TMEM244: variants seen among roughly 807,000 people sequenced by gnomAD.
TMEM244 encodes transmembrane protein 244, also known as putative transmembrane protein 244.
In TMEM244, 13 loss-of-function variants were observed where a neutral mutation model predicts 15.8. That is an observed-to-expected ratio of 0.82 (90% CI 0.53 to 1.30). The LOEUF is 1.30. Among genes scored for constraint, TMEM244 ranks in the 50% most tolerant of loss-of-function variants. The pLI is 0.00. For synonymous variants in TMEM244, 45 were observed against 48.7 expected, an observed-to-expected ratio of 0.92 and a Z score of 0.32; for missense variants, 161 against 144.9, an observed-to-expected ratio of 1.11 and a Z score of -0.57.
chr6:129,849,489 T>C (rs1474717203), intron 1 of TMEM244, among the ~76,000 whole-genome samples: 1 of 152,092 alleles, frequency 6.6e-6, no homozygotes, highest in Non-Finnish European at 1.5e-5. Context: ...TTTTTTTCAT[T>C]TGACAGATAG....
At chr6:129,835,694 C>T (rs897422053) in intron 3 of TMEM244, among the ~76,000 whole-genome samples, 3 of 152,160 alleles carry the variant, frequency 2.0e-5, no homozygotes. Context: ...ACAGTGCACT[C>T]CTGACAAAAT....
chr6:129,851,168 G>A (rs1021385063), intron 1 of TMEM244, among the ~76,000 whole-genome samples: 1 of 152,190 alleles, frequency 6.6e-6, no homozygotes, highest in South Asian at 2.1e-4. Context: ...GCCTATATGT[G>A]GCAGGGCTCC....
In TMEM244 at chr6:129,861,306, A is replaced by G; in HGVS notation, c.-118T>C. ...ATTACTCCTGGAGACTAAGTGTGAG[A>G]CGCAGTAGTGCAGGATGATTGGATT... is the stretch of plus-strand genomic sequence containing the variant. On this transcript the variant is annotated 5_prime_UTR_variant, in exon 1 of 5. Coordinates refer to ENST00000368143, the MANE Select transcript of TMEM244 (RefSeq NM_001010876.2). 8.4e-7 allele frequency: 1 copy of G among 1,187,642 alleles called. No homozygotes were observed. The highest frequency in any genetic ancestry group is 1.2e-6 in the Non-Finnish European group (1 of 810,502). 73.6% of individuals were successfully genotyped at this position (1,187,642 alleles called of 1,614,324 possible).
intron 3 of TMEM244, 58 bp from the exon 4 acceptor site, chr6:129,833,643 T>G: frequency 6.6e-7 from 1 of 1,522,728 alleles, no homozygotes; most frequent in Non-Finnish European, 8.9e-7. Context: ...CATTCTGAAA[T>G]ACAACTAGTA....
At chr6:129,843,658 C>T in intron 2 of TMEM244, 55 bp from the exon 3 acceptor site, 2 of 1,257,120 alleles carry the variant, frequency 1.6e-6, no homozygotes, top group African/African-American at 1.5e-5. Flanking sequence ...TTCATAACAG[C>T]ACATCAAAGT....
intron 1 of TMEM244, among the ~76,000 whole-genome samples, chr6:129,846,297 T>G (rs2114640537): frequency 6.6e-6 from 1 of 152,322 alleles, no homozygotes; most frequent in African/African-American, 2.4e-5. Context: ...CTATAAAATT[T>G]TCCTTGTATA....
At chr6:129,834,840 C>G (rs1365925966) in intron 3 of TMEM244, among the ~76,000 whole-genome samples, 1 of 152,168 alleles carries the variant, frequency 6.6e-6, no homozygotes, top group Non-Finnish European at 1.5e-5. Context: ...CTCATTCCTC[C>G]CTCCCCTACT....
chr6:129,833,143 G>T (rs1371078674), intron 4 of TMEM244, among the ~76,000 whole-genome samples: 1 of 152,090 alleles, frequency 6.6e-6, no homozygotes, highest in Non-Finnish European at 1.5e-5. Context: ...TTGTGCTATG[G>T]TTATATGAAA....
Position 129,833,492 on chromosome 6 carries a change from A to T in TMEM244, c.287T>A (p.Val96Asp). Residue 96 changes from valine to aspartate, a missense_variant, in exon 4 of 5, where the codon GTC (valine) becomes GAC (aspartate). Val to Asp is a radical substitution (Grantham distance 152). Transcript: ENST00000368143. ...AGTGATGGCAACATGAAGAATAGTG[A>T]CTGAAATAGCATAATCCCAAACCCA... ...EEWVWDYAIS[V>D]TILHVAITST... 6.2e-7 allele frequency: 1 copy of T among 1,613,124 alleles called. No homozygotes were observed. The highest frequency in any genetic ancestry group is 8.5e-7 in the Non-Finnish European group (1 of 1,179,600).
intron 1 of TMEM244, among the ~76,000 whole-genome samples, chr6:129,860,132 TG>T (rs1285487861): frequency 3.4e-5 from 5 of 146,618 alleles, no homozygotes; most frequent in Non-Finnish European, 7.5e-5. Context: ...TGTGTGTGTG[TG>T]TGTGTGTGTG....
At chr6:129,833,818 CTTT>C (rs66939937) in intron 3 of TMEM244, among the ~76,000 whole-genome samples, 55,831 of 151,702 alleles carry the variant, frequency 0.37, 10,656 homozygotes, top group South Asian at 0.5. Flanking sequence ...GTTTCACATT[CTTT>C]GTGTTTAACA....
intron 3 of TMEM244, among the ~76,000 whole-genome samples, chr6:129,835,162 G>A (rs116621390): frequency 0.01 from 1,583 of 152,204 alleles, 30 homozygotes; most frequent in African/African-American, 0.036. Context: ...TTGGGAGGCC[G>A]AGGTGGGAGC....
chr6:129,847,775 CTTTTTTT>C (rs34238013), intron 1 of TMEM244, among the ~76,000 whole-genome samples: 11 of 137,494 alleles, frequency 8.0e-5, no homozygotes, highest in African/African-American at 1.9e-4. Context: ...TTTCTTTTTT[CTTTTTTT>C]TTTTTTTTTG....
intron 4 of TMEM244, 109 bp downstream of exon 4, chr6:129,833,351 A>G: frequency 8.2e-7 from 1 of 1,220,422 alleles, no homozygotes; most frequent in Non-Finnish European, 1.1e-6. Context: ...TTTATCATCT[A>G]GCTATCATAC....
Position 129,833,601 on chromosome 6 carries a change from A to G in TMEM244, c.194-16T>C. ...ACTAAAAGAACTGCAAATACAAGGA[A>G]GAATATAATTATTGAGGACTAGAGC... is the stretch of plus-strand genomic sequence containing the variant. On this transcript the variant is annotated splice_polypyrimidine_tract_variant and intron_variant, in intron 3 of 4. Transcript: ENST00000368143. The G allele has an allele frequency of 6.2e-7, 1 of 1,608,682 alleles. No individual in the cohort carries two copies. The highest frequency in any genetic ancestry group is 8.5e-7 in the Non-Finnish European group (1 of 1,177,924).
intron 1 of TMEM244, among the ~76,000 whole-genome samples, chr6:129,854,712 G>T (rs1185677757): frequency 2.0e-5 from 3 of 152,104 alleles, no homozygotes; most frequent in Non-Finnish European, 4.4e-5. Context: ...AAGCTTTGTG[G>T]TTCTGATTAC....
intron 3 of TMEM244, among the ~76,000 whole-genome samples, chr6:129,835,028 A>G (rs2114632715): frequency 6.6e-6 from 1 of 152,350 alleles, no homozygotes; most frequent in South Asian, 2.1e-4. Context: ...GAAAGAAAGC[A>G]TGACTTAAAG....
At chr6:129,844,176 T>C (rs1319867938) in intron 2 of TMEM244, among the ~76,000 whole-genome samples, 3 of 152,120 alleles carry the variant, frequency 2.0e-5, no homozygotes, top group Non-Finnish European at 2.9e-5. Flanking sequence ...TGAAGTGAGC[T>C]AAAAAGAGTT....
chr6:129,838,912 G>C (rs1192638654), intron 3 of TMEM244, among the ~76,000 whole-genome samples: 5 of 152,006 alleles, frequency 3.3e-5, no homozygotes, highest in Admixed American at 3.3e-4. Context: ...ACCAATAACA[G>C]GTTCTGAAAT....
Sources: gnomAD v4.1 joint callset for allele counts (sites outside exome capture counted in the v4.1 genomes callset) on GRCh38, gnomAD v4.1.1 for gene constraint, MANE v1.5 for transcripts, NCBI Gene and HGNC (gene_info 2026-07-23, HGNC 2026-07-21) for gene names.